PITPNM2: variants seen among roughly 807,000 people sequenced by gnomAD.
PITPNM2 encodes the protein phosphatidylinositol transfer protein membrane associated 2.
PITPNM2 carries 35 observed loss-of-function variants against 132.2 expected under a neutral mutation model. That is an observed-to-expected ratio of 0.26 (90% CI 0.20 to 0.35). The LOEUF is 0.35. PITPNM2 is among the 10% of genes least tolerant of loss of function. The probability of loss-of-function intolerance (pLI) is 1.00; values close to 1 mark genes in which losing one functional copy is unlikely to be tolerated. For missense variants in PITPNM2, 1,332 were observed against 1,912.0 expected, an observed-to-expected ratio of 0.70 and a Z score of 5.66; for synonymous variants, 738 against 799.2, an observed-to-expected ratio of 0.92 and a Z score of 1.29.
Position 123,010,019 on chromosome 12 carries a change from G to A in PITPNM2, c.474C>T (p.Asp158=). 2 of 1,614,208 alleles carry A rather than the reference G, an allele frequency of 1.2e-6. No individual in the cohort carries two copies. The highest frequency in any genetic ancestry group is 2.2e-5 in the South Asian group (2 of 91,084). Residue 158 remains aspartate (D), a synonymous_variant, in exon 6 of 26, where the codon GAC becomes GAT. Coordinates refer to ENST00000320201, the MANE Select transcript of PITPNM2 (RefSeq NM_020845.3). ...TCTTGGTTGACTGGAACAGCTTGGG[G>A]TCCTCTTCTGTCTTATACTCGTTGT... The part of the protein sequence containing the change: ...VPHNEYKTEE[D]PKLFQSTKTQ...
At position 123,064,542 on chromosome 12, in the gene PITPNM2, G is replaced by A. The variant is rs988014400; in HGVS notation, c.-95-29857C>T. On this transcript the variant is annotated intron_variant, in intron 2 of 25. Coordinates refer to ENST00000320201, the MANE Select transcript of PITPNM2 (RefSeq NM_020845.3). This position sits in a 1 kb window ranked among gnomAD's most constrained non-coding sequence, Gnocchi z 4.0. ...ACAGTCTGGCTCCTCTATCTTTGGC[G>A]GGGAGCCTGGGGCTATTTCGGGAAG... 2.0e-5 allele frequency among the ~76,000 whole-genome samples: 3 copies of A among 152,192 alleles called. No individual in the cohort carries two copies. Among genetic ancestry groups the A allele is most frequent in the African/African-American group, 4.8e-5 (2 of 41,448 alleles).
chr12:123,052,904 T>A (rs908095938), intron 2 of PITPNM2, among the ~76,000 whole-genome samples: 2 of 151,964 alleles, frequency 1.3e-5, no homozygotes, highest in Non-Finnish European at 2.9e-5. Context: ...TTATATTATT[T>A]ATTTTTTAAC....
In PITPNM2 at chr12:123,002,830, C is replaced by A. The variant is rs1421269055; in HGVS notation, c.1048+1564G>T. 2.0e-5 allele frequency among the ~76,000 whole-genome samples: 3 copies of A among 152,208 alleles called. No homozygotes were observed. In the East Asian group the frequency reaches 5.8e-4, roughly 29 times the overall value. On this transcript the variant is annotated intron_variant, in intron 8 of 25. Transcript: ENST00000320201. ...CATATCCATCATGTCAAATATTTATCATTTCTTTCTGTTGGGAATGTTCAA... is the reference window on the plus strand; with the variant it reads ...CATATCCATCATGTCAAATATTTATAATTTCTTTCTGTTGGGAATGTTCAA...
At chr12:123,063,582 G>A (rs1460174933) in intron 2 of PITPNM2, among the ~76,000 whole-genome samples, 1 of 152,172 alleles carries the variant, frequency 6.6e-6, no homozygotes, top group Admixed American at 6.5e-5. Flanking sequence ...TGGAGGCAGA[G>A]CCCCTTGTGG....
intron 8 of PITPNM2, among the ~76,000 whole-genome samples, chr12:123,003,851 G>A (rs1413830109): frequency 2.6e-5 from 4 of 152,198 alleles, no homozygotes; most frequent in Admixed American, 6.5e-5. Flanking sequence ...GCAGGCGAGC[G>A]CTGTATGCAT....
chr12:123,131,851 G>A (rs2043269805), intron 1 of PITPNM2, among the ~76,000 whole-genome samples: 1 of 152,234 alleles, frequency 6.6e-6, no homozygotes, highest in Non-Finnish European at 1.5e-5. Context: ...TCTGGGAGGT[G>A]CCAGGAACTG....
intron 18 of PITPNM2, among the ~76,000 whole-genome samples, 167 bp from the exon 19 acceptor site, chr12:122,989,039 C>T (rs1221711197): frequency 2.0e-5 from 3 of 152,178 alleles, no homozygotes; most frequent in Non-Finnish European, 2.9e-5. Context: ...CGGGAGGGAG[C>T]GCAGGCAAAA....
chr12:122,997,208 C>A, intron 11 of PITPNM2, 117 bp downstream of exon 11: 1 of 1,466,802 alleles, frequency 6.8e-7, no homozygotes, highest in Non-Finnish European at 9.2e-7. Context: ...AAGGGGCTGG[C>A]CGGTGGGTCT....
At chr12:123,098,378 G>A (rs779632484) in intron 2 of PITPNM2, among the ~76,000 whole-genome samples, 5 of 152,110 alleles carry the variant, frequency 3.3e-5, no homozygotes, top group Non-Finnish European at 7.4e-5. Context: ...ACCAGCCAGA[G>A]CCCTATCATA....
intron 1 of PITPNM2, among the ~76,000 whole-genome samples, chr12:123,113,236 A>T (rs1373147299): frequency 6.6e-6 from 1 of 152,192 alleles, no homozygotes; most frequent in East Asian, 1.9e-4. Flanking sequence ...TGACATGGCG[A>T]CTGTGAGGCA....
intron 1 of PITPNM2, among the ~76,000 whole-genome samples, chr12:123,133,821 C>A (rs11057165): frequency 6.6e-6 from 1 of 150,708 alleles, no homozygotes; most frequent in Admixed American, 6.6e-5. Context: ...CACAGACACA[C>A]ACACGCTCCT....
At chr12:123,148,232 G>A (rs2043657431) in intron 1 of PITPNM2, among the ~76,000 whole-genome samples, 1 of 152,198 alleles carries the variant, frequency 6.6e-6, no homozygotes, top group Admixed American at 6.5e-5. Context: ...GTCCTGTTAA[G>A]CAGCTTTCAG....
chr12:122,987,077 C>T (rs918366640), intron 23 of PITPNM2, among the ~76,000 whole-genome samples: 10 of 152,248 alleles, frequency 6.6e-5, no homozygotes, highest in East Asian at 3.8e-4. Flanking sequence ...AATTGAAAGC[C>T]GACATTGAGA....
At position 123,009,783 on chromosome 12, in the gene PITPNM2, G is replaced by A. The variant is rs2039104054; in HGVS notation, c.643+67C>T. 5 of 1,413,306 alleles carry A rather than the reference G, an allele frequency of 3.5e-6. No individual in the cohort carries two copies. Among genetic ancestry groups the A allele is most frequent in the Non-Finnish European group, 5.0e-6 (5 of 1,001,244 alleles). 87.5% of individuals were successfully genotyped at this position (1,413,306 alleles called of 1,614,324 possible). On this transcript the variant is annotated intron_variant, in intron 6 of 25. Transcript: ENST00000320201. The surrounding 1 kb of genome is among the most constrained non-coding windows in gnomAD (Gnocchi z 4.8). ...GACATGCAAAGAGAGGAGGCAGACA[G>A]GCAGGTGACAGGAGACAGAGGGGTT...
chr12:123,118,102 G>A (rs1343150539), intron 1 of PITPNM2, among the ~76,000 whole-genome samples: 1 of 152,246 alleles, frequency 6.6e-6, no homozygotes, highest in East Asian at 1.9e-4. Context: ...CCTTTATTGT[G>A]ATAAGCCACT....
In PITPNM2 at chr12:122,992,626, G is replaced by A. The variant is rs765070666; in HGVS notation, c.2277C>T (p.Phe759=). 2 of 1,603,366 alleles carry A rather than the reference G, an allele frequency of 1.2e-6. No individual in the cohort carries two copies. Among genetic ancestry groups the A allele is most frequent in the South Asian group, 2.2e-5 (2 of 89,770 alleles). ...GTGAAGCTGACGGGTCCGCGGGGTGGAAGAGGTTGTAGACTTGCTGGCAGG... is the reference window on the plus strand; with the variant it reads ...GTGAAGCTGACGGGTCCGCGGGGTGAAAGAGGTTGTAGACTTGCTGGCAGG... ...RPACQQVYNL[F]HPADPSASRL... is the part of the protein sequence containing the mutation. The change falls in exon 16 of 26, where the codon TTC becomes TTT. Residue 759 remains phenylalanine, a synonymous_variant. Transcript: ENST00000320201. The surrounding 1 kb of genome is among the most constrained non-coding windows in gnomAD (Gnocchi z 6.5).
Position 122,992,553 on chromosome 12 carries a change from T to C in PITPNM2, c.2350A>G (p.Ser784Gly). The change falls in exon 16 of 26, where the codon AGC becomes GGC. Residue 784 changes from serine to glycine, a missense_variant. Ser to Gly is a moderately conservative substitution (Grantham distance 56, BLOSUM62 0). Coordinates refer to ENST00000320201, the MANE Select transcript of PITPNM2 (RefSeq NM_020845.3). This position sits in a 1 kb window ranked among gnomAD's most constrained non-coding sequence, Gnocchi z 6.5. ...ERRFHALPPF[S>G]VPRYQRYPLG... ...GGGTAGCGTTGGTAGCGGGGGACGC[T>C]GAAAGGCGGCAGGGCGTGAAAGCGC... 6.2e-7 allele frequency: 1 copy of C among 1,611,348 alleles called. No homozygotes were observed. The highest frequency in any genetic ancestry group is 1.1e-5 in the South Asian group (1 of 90,976).
intron 2 of PITPNM2, among the ~76,000 whole-genome samples, chr12:123,057,315 A>C (rs976873701): frequency 6.0e-5 from 9 of 149,834 alleles, no homozygotes; most frequent in African/African-American, 2.2e-4. Context: ...GGGAGGCAGA[A>C]GTTGCGGTGA....
At chr12:123,017,818 T>C (rs2039485639) in intron 3 of PITPNM2, among the ~76,000 whole-genome samples, 1 of 151,404 alleles carries the variant, frequency 6.6e-6, no homozygotes, top group African/African-American at 2.4e-5. Context: ...AAAAGGAAAA[T>C]ATATAGAGAC....
Sources: allele counts gnomAD v4.1 joint callset (sites outside exome capture counted in the v4.1 genomes callset), GRCh38; gene constraint gnomAD v4.1.1; non-coding constraint Gnocchi (gnomAD v3.1); transcripts MANE v1.5; gene names NCBI Gene and HGNC (gene_info 2026-07-23, HGNC 2026-07-21).